PRKN: variants seen among roughly 807,000 people sequenced by gnomAD.
PRKN encodes the protein parkin RBR E3 ubiquitin protein ligase, also known as E3 ubiquitin-protein ligase parkin.
In PRKN, 56 loss-of-function variants were observed where a neutral mutation model predicts 59.5. The ratio of observed to expected loss-of-function variants is 0.94; its 90% confidence interval spans 0.76 to 1.18. The LOEUF is 1.18. PRKN is among the 50% of genes most tolerant of loss of function. PRKN has a pLI of 0.00. For missense variants in PRKN, 657 were observed against 596.4 expected, an observed-to-expected ratio of 1.10 and a Z score of -1.06; for synonymous variants, 250 against 222.1, an observed-to-expected ratio of 1.13 and a Z score of -1.12.
Position 162,452,918 on chromosome 6 carries a change from A to T in PRKN, c.8-9445T>A, listed in dbSNP as rs530390531. ...AAAATACGCCAAGTAAAATGTAATC[A>T]TAAGAAGGCAGGGATGACAATATTA... On this transcript the variant is annotated intron_variant, in intron 1 of 11. Transcript: ENST00000366898. Among the ~76,000 whole-genome samples the T allele has an allele frequency of 2.6e-5, 4 of 152,356 alleles. No homozygotes were observed. The East Asian group carries it at 7.7e-4, about 29-fold the overall frequency.
intron 7 of PRKN, among the ~76,000 whole-genome samples, chr6:161,774,621 A>C (rs1789843865): frequency 6.6e-6 from 1 of 152,140 alleles, no homozygotes; most frequent in African/African-American, 2.4e-5. Flanking sequence ...TGGGTGACAG[A>C]ACCAGAAGAT....
chr6:162,002,268 T>C (rs1032721874), intron 5 of PRKN, among the ~76,000 whole-genome samples: 2 of 152,202 alleles, frequency 1.3e-5, no homozygotes, highest in South Asian at 4.1e-4. Context: ...TGGAATTCAC[T>C]AGTGAACCTA....
chr6:161,426,676 C>CACACACACACACACACACA (rs11271613), intron 9 of PRKN, among the ~76,000 whole-genome samples: 3 of 142,676 alleles, frequency 2.1e-5, no homozygotes, highest in Non-Finnish European at 3.0e-5. Flanking sequence ...CACACACACA[C>CACACACACACACACACACA]CTCCTATTAG....
intron 5 of PRKN, among the ~76,000 whole-genome samples, chr6:161,976,277 C>A (rs1269145715): frequency 6.6e-6 from 1 of 152,208 alleles, no homozygotes; most frequent in Non-Finnish European, 1.5e-5. Context: ...CTACAAGTCT[C>A]ACCAATCCCA....
intron 8 of PRKN, among the ~76,000 whole-genome samples, chr6:161,564,371 T>C (rs1284368302): frequency 6.6e-6 from 1 of 152,166 alleles, no homozygotes; most frequent in Non-Finnish European, 1.5e-5. Context: ...ATCCACTCTG[T>C]GTATCCTTTT....
intron 4 of PRKN, among the ~76,000 whole-genome samples, chr6:162,195,376 A>C: frequency 6.6e-6 from 1 of 152,224 alleles, no homozygotes; most frequent in South Asian, 2.1e-4. Context: ...AATTTCTTAC[A>C]TAAATGTGAG....
chr6:162,147,494 G>A (rs1455632251), intron 4 of PRKN, among the ~76,000 whole-genome samples: 1 of 152,088 alleles, frequency 6.6e-6, no homozygotes, highest in East Asian at 1.9e-4. Flanking sequence ...CACAGGAAAG[G>A]GATTAGCAAT....
At chr6:162,599,777 C>T (rs1424458497) in intron 1 of PRKN, among the ~76,000 whole-genome samples, 1 of 152,108 alleles carries the variant, frequency 6.6e-6, no homozygotes, top group Admixed American at 6.5e-5. Flanking sequence ...TGCTTGATGC[C>T]TAATTTCAAC....
chr6:162,586,140 A>G (rs1203163529), intron 1 of PRKN, among the ~76,000 whole-genome samples: 4 of 152,278 alleles, frequency 2.6e-5, no homozygotes, highest in Middle Eastern at 3.4e-3. Context: ...ATTCACCCCC[A>G]TTTAGCCTGA....
At chr6:161,608,100 G>A (rs564252313) in intron 7 of PRKN, among the ~76,000 whole-genome samples, 2 of 152,174 alleles carry the variant, frequency 1.3e-5, no homozygotes, top group Admixed American at 6.5e-5. Context: ...GGACGACAGT[G>A]CCCTCCGCTG....
chr6:162,407,955 T>C (rs74852112), intron 2 of PRKN, among the ~76,000 whole-genome samples: 81 of 151,994 alleles, frequency 5.3e-4, no homozygotes, highest in South Asian at 2.1e-3. Flanking sequence ...AAAAAAAAAG[T>C]GATAAAATCA....
chr6:162,565,711 T>C (rs545032608), intron 1 of PRKN, among the ~76,000 whole-genome samples: 5 of 151,146 alleles, frequency 3.3e-5, no homozygotes, highest in Admixed American at 6.6e-5. Flanking sequence ...CATACATACA[T>C]ACATACATAC....
chr6:161,785,903 G>C lies in PRKN; in HGVS notation c.740C>G (p.Pro247Arg), dbSNP rs2128206691. Residue 247 changes from proline to arginine, a missense_variant, in exon 7 of 12, where the codon CCC becomes CGC. Coordinates refer to ENST00000366898, the MANE Select transcript of PRKN (RefSeq NM_004562.3). ...TCITCTDVRS[P>R]VLVFQCNSRH... ...GGAGTTGCACTGGAAAACCAGGACG[G>C]GGCTCCTGCAGAGAGAAAGGAAGAT... The C allele has an allele frequency of 6.2e-7, 1 of 1,614,096 alleles. No individual in the cohort carries two copies. The highest frequency in any genetic ancestry group is 8.5e-7 in the Non-Finnish European group (1 of 1,180,002).
At chr6:161,421,548 C>G (rs1323033714) in intron 9 of PRKN, among the ~76,000 whole-genome samples, 1 of 152,146 alleles carries the variant, frequency 6.6e-6, no homozygotes, top group Non-Finnish European at 1.5e-5. Context: ...GCATAACTTC[C>G]TTTCCCCATG....
Position 162,548,540 on chromosome 6 carries a change from G to C in PRKN, c.8-105067C>G, listed in dbSNP as rs1386776040. Among the ~76,000 whole-genome samples, 6 of 152,108 alleles carry C rather than the reference G, an allele frequency of 3.9e-5. No individual in the cohort carries two copies. The South Asian group carries it at 6.2e-4, about 16-fold the overall frequency. ...CCCATTTATCTCTCTAGAAACAACT[G>C]ACATTCAAATAATGCTTCATTTCGT... is the stretch of plus-strand genomic sequence containing the variant. On this transcript the variant is annotated intron_variant, in intron 1 of 11. Coordinates refer to ENST00000366898, the MANE Select transcript of PRKN (RefSeq NM_004562.3).
At position 161,821,719 on chromosome 6, in the gene PRKN, C is replaced by CTTTTTTTTTTTTTTT. The variant is rs531807176; in HGVS notation, c.735-35826_735-35812dup. On this transcript the variant is annotated intron_variant, in intron 6 of 11. Transcript: ENST00000366898. ...TTTGGAAAATATTTCCACTGGTGTT[C>CTTTTTTTTTTTTTTT]TTTTTTTTTTTTTTTTTTTTTTTTT... Among the ~76,000 whole-genome samples, 25 of 64,706 alleles carry CTTTTTTTTTTTTTTT rather than the reference C, an allele frequency of 3.9e-4. 2 individuals are homozygous for CTTTTTTTTTTTTTTT. Among genetic ancestry groups the CTTTTTTTTTTTTTTT allele is most frequent in the East Asian group, 1.5e-3 (3 of 1,944 alleles). The allele number at this position is 64,706 out of a possible 152,430, so 42.4% of individuals were successfully genotyped here. A position where few individuals can be genotyped will look rare whatever the true frequency, so the allele number is the denominator to read the frequency against.
At chr6:162,575,786 TATAA>T (rs921198245) in intron 1 of PRKN, among the ~76,000 whole-genome samples, 2 of 152,174 alleles carry the variant, frequency 1.3e-5, no homozygotes, top group East Asian at 1.9e-4. Flanking sequence ...CTATTTGTAT[TATAA>T]ATAAACACCA....
At chr6:161,572,214 G>A (rs1231621357) in intron 7 of PRKN, among the ~76,000 whole-genome samples, 1 of 152,190 alleles carries the variant, frequency 6.6e-6, no homozygotes, top group African/African-American at 2.4e-5. Context: ...CTATGGTCAT[G>A]TAAAATGCTG....
intron 9 of PRKN, among the ~76,000 whole-genome samples, chr6:161,443,056 C>T (rs970523869): frequency 5.9e-5 from 9 of 152,040 alleles, no homozygotes; most frequent in Non-Finnish European, 1.0e-4. Context: ...GCTTGTAATA[C>T]CAGCACTTTG....
Sources: allele counts gnomAD v4.1 joint callset (sites outside exome capture counted in the v4.1 genomes callset), GRCh38; gene constraint gnomAD v4.1.1; transcripts MANE v1.5; gene names NCBI Gene and HGNC (gene_info 2026-07-23, HGNC 2026-07-21).